The following THSD7A variants were observed in gnomAD, a reference collection of about 807,000 sequenced individuals.
The protein encoded by THSD7A is thrombospondin type-1 domain-containing protein 7A.
THSD7A carries 96 observed loss-of-function variants against 231.3 expected under a neutral mutation model. That is an observed-to-expected ratio of 0.41 (90% CI 0.35 to 0.49). The LOEUF is 0.49. Ranked by LOEUF, THSD7A falls within the 20% of genes least tolerant of loss-of-function variation. The pLI is 0.05. For missense variants in THSD7A, 2,290 were observed against 2,070.2 expected (o/e 1.11, Z -2.06); for synonymous variants, 940 against 743.3 (o/e 1.26, Z -4.30).
At chr7:11,823,898 C>A (rs1219744738) in intron 1 of THSD7A, among the ~76,000 whole-genome samples, 1 of 151,700 alleles carries the variant, frequency 6.6e-6, no homozygotes, top group Admixed American at 6.6e-5. Context: ...CAAATGAATT[C>A]TGAGAACTAA....
intron 1 of THSD7A, among the ~76,000 whole-genome samples, chr7:11,718,965 T>A (rs2128152076): frequency 6.6e-6 from 1 of 151,762 alleles, no homozygotes; most frequent in South Asian, 2.1e-4. Flanking sequence ...ATCAGACAGA[T>A]TTATTACTTT....
At chr7:11,465,886 T>C (rs1474261099) in intron 9 of THSD7A, among the ~76,000 whole-genome samples, 2 of 152,166 alleles carry the variant, frequency 1.3e-5, no homozygotes, top group African/African-American at 4.8e-5. Context: ...ATAAGGTATT[T>C]CTATTTTTTA....
At chr7:11,830,937 T>C (rs1785173762) in intron 1 of THSD7A, among the ~76,000 whole-genome samples, 1 of 152,262 alleles carries the variant, frequency 6.6e-6, no homozygotes, top group South Asian at 2.1e-4. Flanking sequence ...AAGTTTCAGG[T>C]CCCCTAAGGA....
At chr7:11,508,286 A>C (rs1787642444) in intron 6 of THSD7A, among the ~76,000 whole-genome samples, 2 of 152,242 alleles carry the variant, frequency 1.3e-5, no homozygotes, top group Admixed American at 1.3e-4. Context: ...TCTTCAAAGA[A>C]GAAATACAGC....
chr7:11,472,601 C>G (rs1263867525), intron 8 of THSD7A, among the ~76,000 whole-genome samples: 1 of 152,084 alleles, frequency 6.6e-6, no homozygotes, highest in African/African-American at 2.4e-5. Flanking sequence ...AAGGGTGAAG[C>G]AAATTTTTAA....
rs1789222285 is a variant in THSD7A at position 11,543,080 on chromosome 7, A to G, written c.1491T>C (p.Pro497=). 3 of 1,613,782 alleles carry G rather than the reference A, an allele frequency of 1.9e-6. No individual in the cohort carries two copies. Among genetic ancestry groups the G allele is most frequent in the Non-Finnish European group, 2.5e-6 (3 of 1,179,760 alleles). Residue 497 remains proline (P), a synonymous_variant, in exon 5 of 28, where the codon CCT becomes CCC. Coordinates refer to ENST00000423059, the MANE Select transcript of THSD7A (RefSeq NM_015204.3). ...KPMDLKLCTG[P]IPNTTQLCHI... The stretch of plus-strand genomic sequence containing the variant: ...GGCACAGCTGTGTAGTATTAGGGAT[A>G]GGTCCAGTGCATAATTTTAAGTCCA...
chr7:11,818,920 C>T (rs6964003), intron 1 of THSD7A, among the ~76,000 whole-genome samples: 117,904 of 152,018 alleles, frequency 0.78, 46,627 homozygotes, highest in African/African-American at 0.92. Context: ...TGTCATTCTA[C>T]CAGAACAATA....
intron 1 of THSD7A, among the ~76,000 whole-genome samples, chr7:11,671,208 A>G (rs1217187212): frequency 1.3e-5 from 2 of 152,188 alleles, no homozygotes; most frequent in Non-Finnish European, 2.9e-5. Context: ...AGTGAAATCA[A>G]TCTTCAAAGT....
chr7:11,454,549 G>T (rs191713257), intron 11 of THSD7A, among the ~76,000 whole-genome samples: 2 of 148,958 alleles, frequency 1.3e-5, no homozygotes, highest in Admixed American at 1.3e-4. Context: ...TCACTATGCC[G>T]TATCAGTGGT....
At chr7:11,459,356 C>T (rs1785417300) in intron 11 of THSD7A, among the ~76,000 whole-genome samples, 1 of 151,984 alleles carries the variant, frequency 6.6e-6, no homozygotes, top group Non-Finnish European at 1.5e-5. Flanking sequence ...AAAATATATG[C>T]AAATCAATGC....
intron 1 of THSD7A, among the ~76,000 whole-genome samples, chr7:11,688,573 G>T (rs957441526): frequency 1.3e-5 from 2 of 151,822 alleles, no homozygotes; most frequent in African/African-American, 4.8e-5. Context: ...CTTTCTGAGA[G>T]AGAGATTTAA....
chr7:11,689,013 G>A (rs1780150832), intron 1 of THSD7A, among the ~76,000 whole-genome samples: 1 of 151,732 alleles, frequency 6.6e-6, no homozygotes, highest in African/African-American at 2.4e-5. Context: ...TTTCTCAAAT[G>A]GGAAAAAAAC....
chr7:11,588,855 T>C (rs887087370), intron 4 of THSD7A, among the ~76,000 whole-genome samples: 18 of 152,182 alleles, frequency 1.2e-4, no homozygotes, highest in Admixed American at 1.0e-3. Context: ...ACATTACATG[T>C]TTTATGTTAC....
intron 7 of THSD7A, among the ~76,000 whole-genome samples, chr7:11,476,200 A>G (rs1002348320): frequency 7.2e-5 from 11 of 152,118 alleles, no homozygotes; most frequent in African/African-American, 2.6e-4. Context: ...ATTTCCTAAC[A>G]TAACTTTAAA....
intron 6 of THSD7A, among the ~76,000 whole-genome samples, chr7:11,514,818 C>G (rs1041676799): frequency 3.3e-5 from 5 of 152,114 alleles, no homozygotes; most frequent in African/African-American, 1.2e-4. Context: ...AAGATTATTA[C>G]TCTATTCTTT....
intron 9 of THSD7A, among the ~76,000 whole-genome samples, chr7:11,466,182 A>C (rs1393076297): frequency 6.6e-6 from 1 of 152,162 alleles, no homozygotes; most frequent in African/African-American, 2.4e-5. Context: ...ATCTTTGTAA[A>C]ATTTAGACTT....
rs377667618 is a variant in THSD7A, at chr7:11,382,516, T to C, written c.4507+5A>G. On this transcript the variant is annotated splice_donor_5th_base_variant and intron_variant, in intron 24 of 27. Transcript: ENST00000423059. The stretch of plus-strand genomic sequence containing the variant: ...TCAAAGGACAAAGAGAAACTGGAGG[T>C]TTACCTGTTACATTTATACCATCTG... The C allele has an allele frequency of 2.3e-5, 37 of 1,608,482 alleles. No individual in the cohort carries two copies. Among genetic ancestry groups the C allele is most frequent in the Non-Finnish European group, 3.1e-5 (37 of 1,175,882 alleles).
chr7:11,397,767 G>T (rs564485222), intron 23 of THSD7A, among the ~76,000 whole-genome samples: 25 of 152,304 alleles, frequency 1.6e-4, no homozygotes, highest in African/African-American at 4.6e-4. Flanking sequence ...CTTCTGAAAA[G>T]AAGACATTAT....
intron 13 of THSD7A, among the ~76,000 whole-genome samples, chr7:11,442,717 A>C (rs1054120566): frequency 1.3e-5 from 2 of 152,090 alleles, no homozygotes; most frequent in African/African-American, 4.8e-5. Flanking sequence ...TCAATTTCTC[A>C]AGACTTTACT....
Sources: gnomAD v4.1 joint callset for allele counts (sites outside exome capture counted in the v4.1 genomes callset) on GRCh38, gnomAD v4.1.1 for gene constraint, MANE v1.5 for transcripts, NCBI Gene and HGNC (gene_info 2026-07-23, HGNC 2026-07-21) for gene names.